The following FAM50A variants were observed in gnomAD, a reference collection of about 807,000 sequenced individuals.
FAM50A encodes family with sequence similarity 50 member A.
A neutral mutation model predicts 35.5 loss-of-function variants in FAM50A; 6 were observed. That is an observed-to-expected ratio of 0.17 (90% CI 0.09 to 0.33). The LOEUF (loss-of-function observed/expected upper bound fraction) is 0.33. Among genes scored for constraint, FAM50A ranks in the 10% least tolerant of loss-of-function variants. The pLI is 1.00. For missense variants in FAM50A, 145 were observed against 295.5 expected (o/e 0.49, Z 3.73); for synonymous variants, 120 against 110.9 (o/e 1.08, Z -0.52).
rs781999297 is a variant in FAM50A, at chrX:154,445,680, C to T, written c.159C>T (p.Tyr53=). ...SNIDKKFSAH[Y]DAVEAELKSS... Reference sequence around the variant, plus strand: ...TTGACAAGAAGTTCTCTGCGCACTACGACGCGGTGGAGGCAGAGCTCAAGT... The same window carrying T: ...TTGACAAGAAGTTCTCTGCGCACTATGACGCGGTGGAGGCAGAGCTCAAGT... Residue 53 remains tyrosine (Y), a synonymous_variant, in exon 2 of 13, where the codon TAC becomes TAT. Transcript: ENST00000393600. 9.9e-6 allele frequency: 12 copies of T among 1,208,422 alleles called. No individual in the cohort carries two copies. The highest frequency in any genetic ancestry group is 7.0e-5 in the South Asian group (4 of 56,805).
Position 154,450,253 on chromosome X carries a change from C to T in FAM50A, c.945C>T (p.Asn315=). 1 of 1,211,558 alleles carries T rather than the reference C, an allele frequency of 8.3e-7. No individual in the cohort carries two copies. Residue 315 remains asparagine, a synonymous_variant, in exon 12 of 13, where the codon AAC becomes AAT. Coordinates refer to ENST00000393600, the MANE Select transcript of FAM50A (RefSeq NM_004699.4). ...TGCTGAGGAGCTGGTACGAGAAGAA[C>T]AAGCACATCTTTCCCGCCAGCCGCT... ...KVVLRSWYEK[N]KHIFPASRWE...
Position 154,445,727 on chromosome X carries a change from G to A in FAM50A, c.196+10G>A, listed in dbSNP as rs1557199731. ...AAGTCCAGCACCGTGGGTGAGCAGG[G>A]TGCGGGTGCCCCTCACCCGGGCCCC... On this transcript the variant is annotated intron_variant, in intron 2 of 12. Coordinates refer to ENST00000393600, the MANE Select transcript of FAM50A (RefSeq NM_004699.4). The A allele has an allele frequency of 5.0e-6, 6 of 1,202,039 alleles. No homozygotes were observed. Among genetic ancestry groups the A allele is most frequent in the Non-Finnish European group, 5.6e-6 (5 of 886,953 alleles).
rs2068771812 is a variant in FAM50A, at chrX:154,444,212, G to GC, written c.-22dup. On this transcript the variant is annotated 5_prime_UTR_variant, in exon 1 of 13. Transcript: ENST00000393600. The stretch of plus-strand genomic sequence containing the variant: ...GTCGCCGCCGCCGCCGCCCGCCGCC[G>GC]CCGCCGCCGCCGCCGCCGCTGCCAT... The GC allele has an allele frequency of 1.3e-6, 1 of 762,065 alleles. No individual in the cohort carries two copies. 62.8% of individuals were successfully genotyped at this position (762,065 alleles called of 1,213,427 possible). A position where few individuals can be genotyped will look rare whatever the true frequency, so the allele number is the denominator to read the frequency against.
chrX:154,445,465 C>T (rs781831835), intron 1 of FAM50A, 168 bp from the exon 2 acceptor site: 1 of 471,607 alleles, frequency 2.1e-6, no homozygotes, highest in Non-Finnish European at 3.8e-6. Context: ...GGGATGGAAA[C>T]AGCCCCATTT....
rs782557880 is a variant in FAM50A at position 154,450,457 on chromosome X, G to A, written c.*25G>A. On this transcript the variant is annotated 3_prime_UTR_variant, in exon 13 of 13. Transcript: ENST00000393600. Reference sequence around the variant, plus strand: ...AGCATCCAGGAGGCTGCGCGGCCCCGGCTCCTCAGCTCCCTCAGTGTGCCC... The same window carrying A: ...AGCATCCAGGAGGCTGCGCGGCCCCAGCTCCTCAGCTCCCTCAGTGTGCCC... The A allele has an allele frequency of 1.2e-5, 15 of 1,203,597 alleles. No individual in the cohort carries two copies. Among genetic ancestry groups the A allele is most frequent in the Admixed American group, 4.4e-5 (2 of 45,407 alleles).
rs953806826 is a variant in FAM50A, at chrX:154,445,068, C to T, written c.112-565C>T. ...CAGAGGAGCCTTGAAACACCAAGTC[C>T]TCATGCCCTGGCCGCACTGTCTGAG... On this transcript the variant is annotated intron_variant, in intron 1 of 12. Transcript: ENST00000393600. Among the ~76,000 whole-genome samples the T allele has an allele frequency of 2.7e-5, 3 of 111,298 alleles. No homozygotes were observed. The South Asian group carries it at 1.1e-3, about 42-fold the overall frequency.
Position 154,448,685 on chromosome X carries a change from C to T in FAM50A, c.520-5C>T, listed in dbSNP as rs782198734. ...CCTCACCTGTCTGCCTGCTCCCTCT[C>T]CCAGGAGGAGGAGAATCGGCTTCGG... On this transcript the variant is annotated splice_polypyrimidine_tract_variant and splice_region_variant and intron_variant, in intron 5 of 12. Transcript: ENST00000393600. 9.1e-6 allele frequency: 11 copies of T among 1,209,897 alleles called. No homozygotes were observed. The South Asian group carries it at 1.9e-4, about 21-fold the overall frequency.
intron 4 of FAM50A, among the ~76,000 whole-genome samples, chrX:154,448,068 C>CTTTT (rs782137009): frequency 1.3e-5 from 1 of 76,519 alleles, no homozygotes; most frequent in African/African-American, 1.0e-4. Flanking sequence ...TCTTTTTTTT[C>CTTTT]TTTCTTTTTT....
chrX:154,446,106 C>T (rs1403248993), intron 3 of FAM50A, among the ~76,000 whole-genome samples, 195 bp downstream of exon 3: 6 of 112,545 alleles, frequency 5.3e-5, no homozygotes, highest in Non-Finnish European at 7.5e-5. Context: ...GGCGGCTTGT[C>T]TTCTTTCTGA....
chrX:154,446,248 T>G (rs1315019430), intron 3 of FAM50A, 167 bp from the exon 4 acceptor site: 3 of 490,635 alleles, frequency 6.1e-6, no homozygotes, highest in Non-Finnish European at 1.1e-5. Flanking sequence ...CCCTCGCCCA[T>G]GAGCTCAAAG....
Position 154,444,175 on chromosome X carries a change from G to GC in FAM50A, c.-59dup, listed in dbSNP as rs1180629772. The GC allele has an allele frequency of 2.5e-6, 1 of 402,888 alleles. No homozygotes were observed. Among genetic ancestry groups the GC allele is most frequent in the Non-Finnish European group, 3.1e-6 (1 of 318,168 alleles). 33.2% of individuals were successfully genotyped at this position (402,888 alleles called of 1,213,427 possible). Reference sequence around the variant, plus strand: ...TTCGGCCGCCACCGCCGCTGCCGCTGCCGCTGTCGCTGTCGCCGCCGCCGC... The same window carrying GC: ...TTCGGCCGCCACCGCCGCTGCCGCTGCCCGCTGTCGCTGTCGCCGCCGCCGC... On this transcript the variant is annotated 5_prime_UTR_variant, in exon 1 of 13. Transcript: ENST00000393600.
chrX:154,445,575 C>T, intron 1 of FAM50A, 58 bp from the exon 2 acceptor site: 1 of 971,478 alleles, frequency 1.0e-6, no homozygotes, highest in Non-Finnish European at 1.5e-6. Context: ...TCCTTGATGG[C>T]CAGCCTGCCA....
At chrX:154,444,418 T>G in intron 1 of FAM50A, 72 bp downstream of exon 1, 1 of 648,633 alleles carries the variant, frequency 1.5e-6, no homozygotes, top group Non-Finnish European at 2.1e-6. Flanking sequence ...GCTCCGGCCC[T>G]GGAAGCCCTG....
intron 4 of FAM50A, among the ~76,000 whole-genome samples, chrX:154,448,072 C>CTTTTTCTTTTTT (rs2068789061): frequency 1.2e-5 from 1 of 82,881 alleles, no homozygotes; most frequent in African/African-American, 5.6e-5. Flanking sequence ...TTTTTTCTTT[C>CTTTTTCTTTTTT]TTTTTTTTTT....
Position 154,449,286 on chromosome X carries a change from C to T in FAM50A, c.714C>T (p.Phe238=). ...QKALEILRKD[F]SELRSAGVEQ... ...CGCTCGAGATCCTTCGGAAAGACTT[C>T]AGTGAGCTGAGGTGTGAGGTGTGCG... is the stretch of plus-strand genomic sequence containing the variant. Residue 238 remains phenylalanine (F), a synonymous_variant, in exon 8 of 13, where the codon TTC becomes TTT. Coordinates refer to ENST00000393600, the MANE Select transcript of FAM50A (RefSeq NM_004699.4). 1 of 1,206,882 alleles carries T rather than the reference C, an allele frequency of 8.3e-7. No homozygotes were observed. The highest frequency in any genetic ancestry group is 1.1e-6 in the Non-Finnish European group (1 of 890,546).
intron 1 of FAM50A, 75 bp from the exon 2 acceptor site, chrX:154,445,558 A>T: frequency 2.5e-6 from 2 of 811,899 alleles, no homozygotes; most frequent in South Asian, 2.1e-5. Context: ...TTGGACTATA[A>T]CGCAGGTCCT....
In FAM50A at chrX:154,446,463, G is replaced by A. The variant is rs2068782982; in HGVS notation, c.345G>A (p.Arg115=). Residue 115 remains arginine, a synonymous_variant, in exon 4 of 13, where the codon CGG becomes CGA. Transcript: ENST00000393600. The stretch of plus-strand genomic sequence containing the variant: ...AGGAGCGTAAGAAGGAAGCCAAGCG[G>A]AAGATCTCCAGCCTGTCCTTCACCC... ...REKERKKEAK[R]KISSLSFTLE... is the part of the protein sequence containing the mutation. The A allele has an allele frequency of 8.3e-7, 1 of 1,209,534 alleles. No homozygotes were observed. Among genetic ancestry groups the A allele is most frequent in the Admixed American group, 2.2e-5 (1 of 45,862 alleles).
Position 154,444,198 on chromosome X carries a change from C to T in FAM50A, c.-38C>T. On this transcript the variant is annotated 5_prime_UTR_variant, in exon 1 of 13. Coordinates refer to ENST00000393600, the MANE Select transcript of FAM50A (RefSeq NM_004699.4). ...CTGCCGCTGTCGCTGTCGCCGCCGCCGCCGCCCGCCGCCGCCGCCGCCGCC... is the reference window on the plus strand; with the variant it reads ...CTGCCGCTGTCGCTGTCGCCGCCGCTGCCGCCCGCCGCCGCCGCCGCCGCC... The T allele has an allele frequency of 3.3e-6, 2 of 614,863 alleles. No homozygotes were observed. Among genetic ancestry groups the T allele is most frequent in the Non-Finnish European group, 2.0e-6 (1 of 500,768 alleles). The allele number at this position is 614,863 out of a possible 1,213,427, so 50.7% of individuals were successfully genotyped here. A position where few individuals can be genotyped will look rare whatever the true frequency, so the allele number is the denominator to read the frequency against.
At chrX:154,449,012 G>T in intron 7 of FAM50A, 58 bp downstream of exon 7, 1 of 1,092,284 alleles carries the variant, frequency 9.2e-7, no homozygotes, top group Non-Finnish European at 1.3e-6. Flanking sequence ...CTCAGGTTCC[G>T]TGGGAAGGAA....
Sources: allele counts gnomAD v4.1 joint callset (sites outside exome capture counted in the v4.1 genomes callset), GRCh38; gene constraint gnomAD v4.1.1; transcripts MANE v1.5; gene names NCBI Gene and HGNC (gene_info 2026-07-23, HGNC 2026-07-21).